The following GRIK2 variants were observed in gnomAD, a reference collection of about 807,000 sequenced individuals.
The protein encoded by GRIK2 is glutamate ionotropic receptor kainate type subunit 2.
In GRIK2, 32 loss-of-function variants were observed where a neutral mutation model predicts 100.3. The observed-to-expected ratio is 0.32, with a 90% confidence interval of 0.24 to 0.43. GRIK2 has a LOEUF of 0.43. Among genes scored for constraint, GRIK2 ranks in the 20% least tolerant of loss-of-function variants. The pLI is 1.00. For synonymous variants in GRIK2, 417 were observed against 389.4 expected (o/e 1.07, Z -0.83); for missense variants, 843 against 1,114.9 (o/e 0.76, Z 3.47).
At chr6:101,429,689 T>C (rs1231897750) in intron 2 of GRIK2, among the ~76,000 whole-genome samples, 3 of 152,160 alleles carry the variant, frequency 2.0e-5, no homozygotes, top group Non-Finnish European at 4.4e-5. Flanking sequence ...TTTCTTTTTT[T>C]CTGTTTTCTT....
At position 101,768,713 on chromosome 6, in the gene GRIK2, A is replaced by G. The variant is rs539622495; in HGVS notation, c.952-30935A>G. Among the ~76,000 whole-genome samples, 166 of 152,322 alleles carry G rather than the reference A, an allele frequency of 1.1e-3. 1 individual carries two copies. The highest frequency in any genetic ancestry group is 3.6e-3 in the African/African-American group (150 of 41,586). On this transcript the variant is annotated intron_variant, in intron 7 of 16. Transcript: ENST00000369134. The stretch of plus-strand genomic sequence containing the variant: ...CTATTATCTAAACCTCATGGTTTAG[A>G]TAGAAAAAACCCACAATCTTTGGAA...
intron 2 of GRIK2, among the ~76,000 whole-genome samples, chr6:101,403,217 T>C (rs2787569): frequency 0.069 from 10,582 of 152,270 alleles, 463 homozygotes; most frequent in South Asian, 0.12. Context: ...AATTTAGAGC[T>C]CCAGTAGCAA....
chr6:101,470,371 C>T (rs1771881349), intron 2 of GRIK2, among the ~76,000 whole-genome samples: 1 of 152,084 alleles, frequency 6.6e-6, no homozygotes, highest in Admixed American at 6.6e-5. Context: ...AGAGGGCAAG[C>T]TTCTTTATTG....
rs946363551 is a variant in GRIK2 at position 101,799,158 on chromosome 6, A to C, written c.952-490A>C. ...AAGATTAAAACAATGAAAGAATTTA[A>C]GGTTTTAAGTAAGTCTCCCTTAAAA... is the stretch of plus-strand genomic sequence containing the variant. On this transcript the variant is annotated intron_variant, in intron 7 of 16. Transcript: ENST00000369134. 2.0e-5 allele frequency among the ~76,000 whole-genome samples: 3 copies of C among 152,238 alleles called. No individual in the cohort carries two copies. In the East Asian group the frequency reaches 5.8e-4, roughly 29 times the overall value.
intron 2 of GRIK2, among the ~76,000 whole-genome samples, chr6:101,440,498 A>G (rs1423584416): frequency 1.3e-5 from 2 of 152,170 alleles, no homozygotes; most frequent in African/African-American, 2.4e-5. Flanking sequence ...TAATCAACTA[A>G]TTCTAAGACT....
chr6:101,678,374 T>C (rs182397016), intron 5 of GRIK2, among the ~76,000 whole-genome samples: 312 of 151,776 alleles, frequency 2.1e-3, no homozygotes, highest in Non-Finnish European at 1.7e-3. Context: ...TAATAGAATA[T>C]TTAAATACAT....
intron 2 of GRIK2, among the ~76,000 whole-genome samples, chr6:101,565,929 A>G (rs1250849407): frequency 6.9e-5 from 5 of 72,280 alleles, no homozygotes; most frequent in Non-Finnish European, 1.6e-4. Flanking sequence ...ATATATATAT[A>G]TATGTGTATA....
intron 9 of GRIK2, among the ~76,000 whole-genome samples, chr6:101,814,754 A>G (rs991509102): frequency 6.6e-6 from 1 of 152,138 alleles, no homozygotes; most frequent in Non-Finnish European, 1.5e-5. Context: ...TGTGTTTACT[A>G]AGGCCTTGTA....
chr6:101,439,714 A>G (rs921987681), intron 2 of GRIK2, among the ~76,000 whole-genome samples: 4 of 152,160 alleles, frequency 2.6e-5, no homozygotes, highest in African/African-American at 9.7e-5. Context: ...AGTTGAAATA[A>G]CAAAAACAAG....
At chr6:101,705,439 C>T (rs894928970) in intron 7 of GRIK2, among the ~76,000 whole-genome samples, 6 of 151,648 alleles carry the variant, frequency 4.0e-5, no homozygotes, top group African/African-American at 1.5e-4. Context: ...CATCATTAGA[C>T]GAAATGCATA....
chr6:101,435,381 C>A (rs1582445686), intron 2 of GRIK2, among the ~76,000 whole-genome samples: 1 of 110,922 alleles, frequency 9.0e-6, no homozygotes, highest in Non-Finnish European at 1.8e-5. Context: ...TGAAGGCACA[C>A]GGTGATTTTT....
chr6:101,903,384 G>T (rs1788008463), intron 12 of GRIK2, among the ~76,000 whole-genome samples: 4 of 151,864 alleles, frequency 2.6e-5, no homozygotes, highest in Admixed American at 2.6e-4. Context: ...TATTTCAAGT[G>T]CTCATTTCTG....
At chr6:101,638,827 A>T (rs1405275663) in intron 4 of GRIK2, among the ~76,000 whole-genome samples, 1 of 151,966 alleles carries the variant, frequency 6.6e-6, no homozygotes, top group Non-Finnish European at 1.5e-5. Flanking sequence ...CTACAGAAAA[A>T]AAAAAATTAA....
At chr6:101,642,696 A>G (rs1383371716) in intron 4 of GRIK2, among the ~76,000 whole-genome samples, 1 of 151,692 alleles carries the variant, frequency 6.6e-6, no homozygotes, top group Non-Finnish European at 1.5e-5. Flanking sequence ...TGCTATGGAC[A>G]TGGGTAAACA....
intron 7 of GRIK2, among the ~76,000 whole-genome samples, chr6:101,791,390 C>A (rs375571899): frequency 2.0e-4 from 30 of 152,016 alleles, no homozygotes; most frequent in African/African-American, 3.1e-4. Flanking sequence ...TGTGTCCCAG[C>A]GATTCTGGTA....
intron 2 of GRIK2, among the ~76,000 whole-genome samples, chr6:101,504,183 C>G (rs1377196873): frequency 1.3e-5 from 2 of 151,704 alleles, no homozygotes; most frequent in Non-Finnish European, 1.5e-5. Flanking sequence ...TGAAATATTG[C>G]ACTGTGTTTA....
intron 7 of GRIK2, among the ~76,000 whole-genome samples, chr6:101,779,583 AG>A (rs1778957981): frequency 6.6e-6 from 1 of 152,190 alleles, no homozygotes; most frequent in South Asian, 2.1e-4. Flanking sequence ...TCTAGTCTGA[AG>A]TAAGCTCTGA....
intron 7 of GRIK2, among the ~76,000 whole-genome samples, chr6:101,706,361 TATTCAA>T (rs1338153696): frequency 2.0e-5 from 3 of 151,998 alleles, no homozygotes; most frequent in Admixed American, 6.6e-5. Flanking sequence ...ACATATTTGT[TATTCAA>T]ATTCAAATTT....
intron 14 of GRIK2, among the ~76,000 whole-genome samples, chr6:101,949,854 A>C (rs561315096): frequency 6.6e-6 from 1 of 152,236 alleles, no homozygotes; most frequent in East Asian, 1.9e-4. Context: ...ATTATTTATA[A>C]TCCTTTGGGT....
Sources: allele counts gnomAD v4.1 joint callset (sites outside exome capture counted in the v4.1 genomes callset), GRCh38; gene constraint gnomAD v4.1.1; transcripts MANE v1.5; gene names NCBI Gene and HGNC (gene_info 2026-07-23, HGNC 2026-07-21).